Variants in GGTLC1 observed in about 807,000 individuals in gnomAD.
GGTLC1 encodes the protein gamma-glutamyltransferase light chain 1.
In GGTLC1, 14 loss-of-function variants were observed where a neutral mutation model predicts 19.5. The ratio of observed to expected loss-of-function variants is 0.72; its 90% CI spans 0.47 to 1.12. The LOEUF (loss-of-function observed/expected upper bound fraction) is 1.12, where lower values mean the gene tolerates loss of function less well. Among genes scored for constraint, GGTLC1 ranks in the 50% most tolerant of loss-of-function variants. GGTLC1 has a pLI of 0.00. For missense variants in GGTLC1, 304 were observed against 309.2 expected, an observed-to-expected ratio of 0.98 and a Z score of 0.13; for synonymous variants, 110 against 124.2, an observed-to-expected ratio of 0.89 and a Z score of 0.76.
chr20:23,985,230 G>C lies in GGTLC1; in HGVS notation c.664C>G (p.Pro222Ala). Residue 222 changes from proline to alanine, a missense_variant, in exon 6 of 6, where the codon CCT (proline) becomes GCT (alanine). Pro to Ala is a conservative substitution (Grantham distance 27). Transcript: ENST00000335694. ...AASDSRKGGE[P>A]AGY is the part of the protein sequence containing the mutation. ...GCCTGGAGCAATCAGTAGCCAGCAG[G>C]TTCCCCACCTTTCCTGGAGTCCGAG... The C allele has an allele frequency of 6.2e-7, 1 of 1,612,032 alleles. No individual in the cohort carries two copies. Among genetic ancestry groups the C allele is most frequent in the Non-Finnish European group, 8.5e-7 (1 of 1,179,862 alleles).
At chr20:23,986,385 G>C (rs1987913654) in intron 2 of GGTLC1, 51 bp downstream of exon 2, 1 of 1,605,054 alleles carries the variant, frequency 6.2e-7, no homozygotes, top group African/African-American at 1.3e-5. Flanking sequence ...GGCAGTCCCT[G>C]AGCCACCCTC....
chr20:23,987,813 C>G (rs1988022757), intron 1 of GGTLC1, among the ~76,000 whole-genome samples: 1 of 150,568 alleles, frequency 6.6e-6, no homozygotes, highest in South Asian at 2.1e-4. Flanking sequence ...AATCCCAGCA[C>G]TTTGGGAGGG....
At position 23,986,183 on chromosome 20, in the gene GGTLC1, G is replaced by T; in HGVS notation, c.197C>A (p.Ser66Tyr). Residue 66 changes from serine to tyrosine, a missense_variant, in exon 3 of 6, where the codon TCC (serine) becomes TAC (tyrosine). By Grantham distance (144) the Ser-to-Tyr change is moderately radical (BLOSUM62 -2). Coordinates refer to ENST00000335694, the MANE Select transcript of GGTLC1 (RefSeq NM_178311.3). ...ATTGAGCAGGATCCCGCTGACTGGG[G>T]AGCGCACCTTGGAGCCAAAGCTATC... The part of the protein sequence containing the change: ...INLYFGSKVR[S>Y]PVSGILLNNE... 6.2e-6 allele frequency: 10 copies of T among 1,612,334 alleles called. No individual in the cohort carries two copies. The African/African-American group carries it at 8.0e-5, about 13-fold the overall frequency.
At position 23,985,943 on chromosome 20, in the gene GGTLC1, C is replaced by T. The variant is rs555403528; in HGVS notation, c.336G>A (p.Thr112=). 83 of 1,611,976 alleles carry T rather than the reference C, an allele frequency of 5.1e-5. No individual in the cohort carries two copies. The East Asian group carries it at 1.0e-3, about 19-fold the overall frequency. The change falls in exon 4 of 6, where the codon ACG becomes ACA. Residue 112 remains threonine, a synonymous_variant. Transcript: ENST00000335694. ...CCTGGCCGTCCTGGCCCACCATGATCGTCGGGCACATGGACGAGAGCGGCT... is the reference window on the plus strand; with the variant it reads ...CCTGGCCGTCCTGGCCCACCATGATTGTCGGGCACATGGACGAGAGCGGCT... ...GKQPLSSMCP[T]IMVGQDGQVR...
chr20:23,986,221 C>T lies in GGTLC1; in HGVS notation c.177-18G>A. On this transcript the variant is annotated intron_variant, in intron 2 of 5. Coordinates refer to ENST00000335694, the MANE Select transcript of GGTLC1 (RefSeq NM_178311.3). ...AGCCAAAGCTATCGCCCAGCCAGGT[C>T]AGACAGTGCCCGACCTTGCCTGGCC... is the stretch of plus-strand genomic sequence containing the variant. The T allele has an allele frequency of 6.2e-7, 1 of 1,601,774 alleles. No homozygotes were observed. The highest frequency in any genetic ancestry group is 8.5e-7 in the Non-Finnish European group (1 of 1,174,378).
chr20:23,986,542 A>T lies in GGTLC1; in HGVS notation c.70T>A (p.Tyr24Asn), dbSNP rs1398930432. 4.3e-6 allele frequency: 7 copies of T among 1,611,172 alleles called. No homozygotes were observed. Among genetic ancestry groups the T allele is most frequent in the Non-Finnish European group, 5.9e-6 (7 of 1,179,634 alleles). ...ISDDTTHPIS[Y>N]YKPEFYMPDD... The stretch of plus-strand genomic sequence containing the variant: ...GGCATGTAGAACTCGGGCTTGTAGT[A>T]GGAGATCGGGTGAGTGGTGTCGTCA... Residue 24 changes from tyrosine (Y) to asparagine (N), a missense_variant, in exon 2 of 6, where the codon TAC becomes AAC. By Grantham distance (143) the Tyr-to-Asn change is moderately radical. Transcript: ENST00000335694.
rs769840782 is a variant in GGTLC1, at chr20:23,986,150, A to G, written c.230T>C (p.Met77Thr). 1.9e-6 allele frequency: 3 copies of G among 1,613,352 alleles called. No individual in the cohort carries two copies. Among genetic ancestry groups the G allele is most frequent in the South Asian group, 1.1e-5 (1 of 91,026 alleles). ...GATGCTGGTAGAGCTGAAGTCATCC[A>G]TTTCATTATTGAGCAGGATCCCGCT... is the stretch of plus-strand genomic sequence containing the variant. ...PVSGILLNNE[M>T]DDFSSTSITN... The change falls in exon 3 of 6, where the codon ATG becomes ACG. Residue 77 changes from methionine to threonine, a missense_variant. Coordinates refer to ENST00000335694, the MANE Select transcript of GGTLC1 (RefSeq NM_178311.3).
At position 23,985,785 on chromosome 20, in the gene GGTLC1, G is replaced by C; in HGVS notation, c.418-5C>G. 3 of 1,612,046 alleles carry C rather than the reference G, an allele frequency of 1.9e-6. No homozygotes were observed. The highest frequency in any genetic ancestry group is 2.5e-6 in the Non-Finnish European group (3 of 1,179,870). On this transcript the variant is annotated splice_region_variant and splice_polypyrimidine_tract_variant and intron_variant, in intron 4 of 5. Transcript: ENST00000335694. Reference sequence around the variant, plus strand: ...CCAGAGGTTGTAGATGATGGCCTGGGGCATGGGAGTGTGATCAGCATGGCT... The same window carrying C: ...CCAGAGGTTGTAGATGATGGCCTGGCGCATGGGAGTGTGATCAGCATGGCT...
chr20:23,985,823 A>G (rs1356323076), intron 4 of GGTLC1, 39 bp downstream of exon 4: 1 of 1,611,998 alleles, frequency 6.2e-7, no homozygotes, highest in Non-Finnish European at 8.5e-7. Flanking sequence ...GGGGCTGTGC[A>G]GGGTGGGCAC....
chr20:23,985,523 G>T, intron 5 of GGTLC1, 144 bp downstream of exon 5: 2 of 1,587,334 alleles, frequency 1.3e-6, no homozygotes, highest in East Asian at 4.5e-5. Flanking sequence ...AAGGGGTTTG[G>T]CCCTCATGGC....
intron 5 of GGTLC1, 85 bp downstream of exon 5, chr20:23,985,582 G>A: frequency 6.2e-7 from 1 of 1,606,634 alleles, no homozygotes; most frequent in Non-Finnish European, 8.5e-7. Flanking sequence ...ACCAACCATT[G>A]TCCACTCTGT....
In GGTLC1 at chr20:23,985,978, C is replaced by T. The variant is rs200365253; in HGVS notation, c.305-4G>A. Reference sequence around the variant, plus strand: ...ATGGACGAGAGCGGCTGCTTCCCTGCGGCCAATGGGAGAAGACAGGGATGC... The same window carrying T: ...ATGGACGAGAGCGGCTGCTTCCCTGTGGCCAATGGGAGAAGACAGGGATGC... On this transcript the variant is annotated splice_polypyrimidine_tract_variant and splice_region_variant and intron_variant, in intron 3 of 5. Coordinates refer to ENST00000335694, the MANE Select transcript of GGTLC1 (RefSeq NM_178311.3). 4.2e-5 allele frequency: 67 copies of T among 1,611,856 alleles called. No homozygotes were observed. Among genetic ancestry groups the T allele is most frequent in the Non-Finnish European group, 5.3e-5 (63 of 1,179,876 alleles).
intron 1 of GGTLC1, among the ~76,000 whole-genome samples, chr20:23,987,471 G>A (rs1439889534): frequency 3.3e-5 from 5 of 152,170 alleles, no homozygotes; most frequent in African/African-American, 9.7e-5. Flanking sequence ...TGCAGAAGGG[G>A]CAGGTTTGGG....
At position 23,985,722 on chromosome 20, in the gene GGTLC1, C is replaced by G. The variant is rs142777187; in HGVS notation, c.476G>C (p.Arg159Pro). Residue 159 changes from arginine to proline, a missense_variant, in exon 5 of 6, where the codon CGG becomes CCG. Coordinates refer to ENST00000335694, the MANE Select transcript of GGTLC1 (RefSeq NM_178311.3). ...GTTGGGCAGAAGCTGGTTGTGCAGC[C>G]GGGGCTCCTCCACGGCCCACTTCAC... ...YDVKWAVEEP[R>P]LHNQLLPNVT... The G allele has an allele frequency of 3.7e-6, 6 of 1,611,908 alleles. No individual in the cohort carries two copies. In the African/African-American group the frequency reaches 5.3e-5, roughly 14 times the overall value.
chr20:23,987,260 G>T (rs1232318895), intron 1 of GGTLC1, among the ~76,000 whole-genome samples: 1 of 152,198 alleles, frequency 6.6e-6, no homozygotes, highest in African/African-American at 2.4e-5. Context: ...ATAACAACTG[G>T]CTTTTGCTCT....
chr20:23,988,567 G>A (rs1262796137), intron 1 of GGTLC1, 42 bp downstream of exon 1: 92 of 967,368 alleles, frequency 9.5e-5, no homozygotes, highest in Non-Finnish European at 9.6e-5. Flanking sequence ...GACCCCCCAC[G>A]TCCGCCTCCC....
At chr20:23,988,350 T>TTTTTTC (rs1289401169) in intron 1 of GGTLC1, among the ~76,000 whole-genome samples, 5 of 151,414 alleles carry the variant, frequency 3.3e-5, no homozygotes, top group Non-Finnish European at 7.4e-5. Context: ...CCGGCCTCTT[T>TTTTTTC]TTTTTCTTTT....
At chr20:23,986,006 G>A (rs549002943) in intron 3 of GGTLC1, 32 bp from the exon 4 acceptor site, 52 of 1,611,992 alleles carry the variant, frequency 3.2e-5, no homozygotes, top group Middle Eastern at 4.3e-4. Flanking sequence ...AGGGATGCCC[G>A]TCAGCTGCCT....
rs762711628 is a variant in GGTLC1, at chr20:23,986,657, G to T, written c.-34-12C>A. On this transcript the variant is annotated splice_polypyrimidine_tract_variant and intron_variant, in intron 1 of 5. Coordinates refer to ENST00000335694, the MANE Select transcript of GGTLC1 (RefSeq NM_178311.3). ...ACCCCAGAGCTGGCCTAGGGAGGTG[G>T]GGAGGGAGGGTGGGGAGGGGGCACA... is the stretch of plus-strand genomic sequence containing the variant. The T allele has an allele frequency of 1.9e-6, 3 of 1,596,248 alleles. No homozygotes were observed. The highest frequency in any genetic ancestry group is 2.6e-6 in the Non-Finnish European group (3 of 1,168,832).
Sources: gnomAD v4.1 joint callset for allele counts (sites outside exome capture counted in the v4.1 genomes callset) on GRCh38, gnomAD v4.1.1 for gene constraint, MANE v1.5 for transcripts, NCBI Gene and HGNC (gene_info 2026-07-23, HGNC 2026-07-21) for gene names.